The following DRD3 variants were observed in gnomAD, a reference collection of about 807,000 sequenced individuals.
DRD3 encodes D(3) dopamine receptor.
DRD3 carries 19 observed loss-of-function variants against 36.3 expected under a neutral mutation model. That is an observed-to-expected ratio of 0.52 (90% confidence interval 0.36 to 0.77). DRD3 has a LOEUF of 0.77. Among genes scored for constraint, DRD3 ranks in the 30% least tolerant of loss-of-function variants. DRD3 has a pLI of 0.00. For missense variants in DRD3, 465 were observed against 505.3 expected (o/e 0.92, Z 0.77); for synonymous variants, 195 against 203.7 (o/e 0.96, Z 0.36).
Position 114,139,415 on chromosome 3 carries a change from C to T in DRD3, c.723+85G>A, listed in dbSNP as rs548285662. The T allele has an allele frequency of 3.1e-5, 41 of 1,332,066 alleles. 1 individual carries two copies. Among genetic ancestry groups the T allele is most frequent in the South Asian group, 1.3e-4 (8 of 60,330 alleles). The allele number at this position is 1,332,066 out of a possible 1,614,324, so 82.5% of individuals were successfully genotyped here. A position where few individuals can be genotyped will look rare whatever the true frequency, so the allele number is the denominator to read the frequency against. ...GATTTGTGTCTCCAATTTAGCTAAA[C>T]GGCAAAATCATGCACTGCTGGACAC... On this transcript the variant is annotated intron_variant, in intron 5 of 6. Coordinates refer to ENST00000383673, the MANE Select transcript of DRD3 (RefSeq NM_000796.6).
chr3:114,151,809 C>T (rs1267501317), intron 3 of DRD3, among the ~76,000 whole-genome samples: 1 of 152,232 alleles, frequency 6.6e-6, no homozygotes, highest in Non-Finnish European at 1.5e-5. Flanking sequence ...GAGTGCCCTC[C>T]TCCCTCTCGA....
At chr3:114,149,393 A>T (rs1322411646) in intron 3 of DRD3, among the ~76,000 whole-genome samples, 1 of 152,094 alleles carries the variant, frequency 6.6e-6, no homozygotes, top group Non-Finnish European at 1.5e-5. Context: ...CTTTCCTGCT[A>T]CCTGATTTCT....
In DRD3 at chr3:114,131,394, A is replaced by G. The variant is rs1403754963; in HGVS notation, c.730T>C (p.Ser244Pro). 8.1e-6 allele frequency: 13 copies of G among 1,612,588 alleles called. No individual in the cohort carries two copies. The highest frequency in any genetic ancestry group is 1.1e-5 in the Non-Finnish European group (13 of 1,178,866). The change falls in exon 6 of 7, where the codon TCT becomes CCT. Residue 244 changes from serine to proline, a missense_variant. Ser to Pro is a moderately conservative substitution (Grantham distance 74). Transcript: ENST00000383673. Reference sequence around the variant, plus strand: ...AGCTCCAGATGTGCCGGGTCAGGAGAGAGGGTCTGCAGGTGTGACAAGAGG... The same window carrying G: ...AGCTCCAGATGTGCCGGGTCAGGAGGGAGGGTCTGCAGGTGTGACAAGAGG... The part of the protein sequence containing the change: ...VRPGFPQQTL[S>P]PDPAHLELKR...
chr3:114,190,455 TATATATA>T (rs1182837369), intron 1 of DRD3, among the ~76,000 whole-genome samples: 8 of 12,888 alleles, frequency 6.2e-4, no homozygotes, highest in Non-Finnish European at 9.0e-4. Flanking sequence ...TATATATATA[TATATATA>T]TTTTTTTTTT....
rs562502848 is a variant in DRD3, at chr3:114,132,154, G to A, written c.724-754C>T. On this transcript the variant is annotated intron_variant, in intron 5 of 6. Coordinates refer to ENST00000383673, the MANE Select transcript of DRD3 (RefSeq NM_000796.6). ...TACAATAGCAAAGACTTGGAACCAA[G>A]TGAAATGCCCATCAATGATAGACTG... is the stretch of plus-strand genomic sequence containing the variant. 2.6e-5 allele frequency among the ~76,000 whole-genome samples: 4 copies of A among 152,290 alleles called. No homozygotes were observed. The South Asian group carries it at 6.2e-4, about 24-fold the overall frequency.
chr3:114,159,069 GA>G (rs1295071099), intron 3 of DRD3, among the ~76,000 whole-genome samples: 1 of 152,122 alleles, frequency 6.6e-6, no homozygotes, highest in African/African-American at 2.4e-5. Flanking sequence ...GAGGGACCCA[GA>G]GCAAGGGTGG....
chr3:114,160,915 A>C (rs1649407753), intron 2 of DRD3, among the ~76,000 whole-genome samples: 1 of 152,184 alleles, frequency 6.6e-6, no homozygotes, highest in Non-Finnish European at 1.5e-5. Context: ...CAAGCTCCAT[A>C]ACATCCTCTG....
chr3:114,147,209 C>G (rs916569865), intron 4 of DRD3, among the ~76,000 whole-genome samples: 17 of 151,904 alleles, frequency 1.1e-4, no homozygotes, highest in African/African-American at 4.1e-4. Context: ...GAACTTTACC[C>G]CCTGTGCCAA....
chr3:114,185,051 A>C (rs546485460), intron 1 of DRD3, among the ~76,000 whole-genome samples: 5 of 152,328 alleles, frequency 3.3e-5, no homozygotes, highest in Non-Finnish European at 5.9e-5. Context: ...CGCTTTCATA[A>C]TTCACTGTCC....
chr3:114,175,113 A>T (rs1467753175), intron 1 of DRD3, among the ~76,000 whole-genome samples: 2 of 152,142 alleles, frequency 1.3e-5, no homozygotes, highest in South Asian at 4.1e-4. Flanking sequence ...TATACCCACT[A>T]GATGCCAGTA....
chr3:114,144,110 C>T (rs1314579260), intron 4 of DRD3, among the ~76,000 whole-genome samples: 1 of 152,200 alleles, frequency 6.6e-6, no homozygotes, highest in African/African-American at 2.4e-5. Flanking sequence ...CCTGGCCAGC[C>T]AGGCCCCTGC....
At chr3:114,148,397 G>A (rs893213875) in intron 3 of DRD3, among the ~76,000 whole-genome samples, 3 of 152,082 alleles carry the variant, frequency 2.0e-5, no homozygotes, top group African/African-American at 4.8e-5. Flanking sequence ...ATAGAAATGA[G>A]GAATGTCCAG....
At chr3:114,167,010 A>G (rs902588996) in intron 2 of DRD3, among the ~76,000 whole-genome samples, 2 of 152,184 alleles carry the variant, frequency 1.3e-5, no homozygotes, top group African/African-American at 4.8e-5. Flanking sequence ...TTTCCTTTAA[A>G]AAAACCCACT....
intron 3 of DRD3, among the ~76,000 whole-genome samples, chr3:114,152,177 A>G (rs895145029): frequency 2.0e-5 from 3 of 151,906 alleles, no homozygotes; most frequent in Non-Finnish European, 4.4e-5. Context: ...CAAGCAGTAT[A>G]CACTGTACCA....
chr3:114,171,430 GA>G (rs1308564307), intron 2 of DRD3, among the ~76,000 whole-genome samples: 1 of 152,138 alleles, frequency 6.6e-6, no homozygotes, highest in African/African-American at 2.4e-5. Context: ...CTGGCACAGA[GA>G]ATAAACTCTA....
intron 2 of DRD3, among the ~76,000 whole-genome samples, chr3:114,170,093 A>C (rs1021939459): frequency 6.6e-6 from 1 of 152,252 alleles, no homozygotes; most frequent in African/African-American, 2.4e-5. Context: ...TGACCAATTC[A>C]TATTGGCTGG....
intron 2 of DRD3, among the ~76,000 whole-genome samples, chr3:114,166,714 A>G (rs979867572): frequency 4.6e-5 from 7 of 152,210 alleles, no homozygotes; most frequent in African/African-American, 1.7e-4. Flanking sequence ...AGAGCTGCTC[A>G]AAGTTTAGGT....
chr3:114,150,131 A>G (rs1329079644), intron 3 of DRD3, among the ~76,000 whole-genome samples: 1 of 149,790 alleles, frequency 6.7e-6, no homozygotes, highest in African/African-American at 2.5e-5. Context: ...CATGACCTCA[A>G]CTTACGTTGC....
At chr3:114,199,079 C>T (rs1018989082) in intron 1 of DRD3, among the ~76,000 whole-genome samples, 18 of 152,152 alleles carry the variant, frequency 1.2e-4, no homozygotes, top group African/African-American at 4.3e-4. Flanking sequence ...TTTAAAAATT[C>T]TTACTGTTTC....
Sources: allele counts gnomAD v4.1 joint callset (sites outside exome capture counted in the v4.1 genomes callset), GRCh38; gene constraint gnomAD v4.1.1; transcripts MANE v1.5; gene names NCBI Gene and HGNC (gene_info 2026-07-23, HGNC 2026-07-21).